DCC: variants seen among roughly 807,000 people sequenced by gnomAD.
The protein encoded by DCC is DCC netrin 1 receptor.
DCC carries 58 observed loss-of-function variants against 172.5 expected under a neutral mutation model. The observed-to-expected ratio is 0.34, with a 90% CI of 0.27 to 0.42. The LOEUF (loss-of-function observed/expected upper bound fraction) is 0.42. DCC is among the 10% of genes least tolerant of loss of function. DCC has a pLI of 1.00. For synonymous variants in DCC, 709 were observed against 644.5 expected (o/e 1.10, Z -1.52); for missense variants, 1,740 against 1,791.0 (o/e 0.97, Z 0.51).
chr18:52,938,403 A>T (rs192848208), intron 5 of DCC, among the ~76,000 whole-genome samples: 43 of 152,212 alleles, frequency 2.8e-4, no homozygotes, highest in African/African-American at 8.9e-4. Context: ...TGTACATCCT[A>T]GTTGTTTGGG....
intron 7 of DCC, among the ~76,000 whole-genome samples, chr18:53,077,583 G>T (rs1252682067): frequency 6.6e-6 from 1 of 152,144 alleles, no homozygotes; most frequent in Non-Finnish European, 1.5e-5. Flanking sequence ...AGAAGCCAGG[G>T]TATGATGAGC....
intron 2 of DCC, among the ~76,000 whole-genome samples, chr18:52,898,702 T>C (rs2039768362): frequency 8.8e-6 from 1 of 113,598 alleles, no homozygotes; most frequent in African/African-American, 3.0e-5. Flanking sequence ...TTTACCTCAT[T>C]TTTTTTTTTT....
chr18:53,309,088 A>G (rs1171748836), intron 13 of DCC, among the ~76,000 whole-genome samples: 2 of 151,946 alleles, frequency 1.3e-5, no homozygotes, highest in African/African-American at 4.8e-5. Context: ...CCCAGGCTGG[A>G]GTACCGTGGC....
chr18:53,057,518 T>G (rs778150460), intron 5 of DCC, among the ~76,000 whole-genome samples: 1 of 152,104 alleles, frequency 6.6e-6, no homozygotes, highest in Non-Finnish European at 1.5e-5. Flanking sequence ...TAGAAGTACT[T>G]GCAAAGGTCC....
intron 5 of DCC, among the ~76,000 whole-genome samples, chr18:52,966,640 A>G (rs1284258942): frequency 6.6e-6 from 1 of 152,076 alleles, no homozygotes; most frequent in Non-Finnish European, 1.5e-5. Context: ...TCCATTCTGT[A>G]TTGGTCTGTA....
intron 20 of DCC, among the ~76,000 whole-genome samples, chr18:53,411,141 C>T (rs539102631): frequency 7.0e-4 from 102 of 146,140 alleles, no homozygotes; most frequent in Non-Finnish European, 1.3e-3. Context: ...AAAAAAGTTG[C>T]AATATGATAT....
chr18:52,717,693 C>A (rs1043160799), intron 1 of DCC, among the ~76,000 whole-genome samples: 2 of 152,172 alleles, frequency 1.3e-5, no homozygotes, highest in Non-Finnish European at 2.9e-5. Context: ...AGAATACCAC[C>A]CATCTTAGGG....
intron 15 of DCC, among the ~76,000 whole-genome samples, chr18:53,385,619 C>T (rs573512573): frequency 6.6e-6 from 1 of 152,312 alleles, no homozygotes; most frequent in South Asian, 2.1e-4. Context: ...ATCTGCTGTG[C>T]TTTCCAGCAT....
intron 2 of DCC, among the ~76,000 whole-genome samples, chr18:52,796,409 G>A (rs2037878476): frequency 6.6e-6 from 1 of 151,942 alleles, no homozygotes; most frequent in South Asian, 2.1e-4. Flanking sequence ...GTCTACCAGT[G>A]AGTTTTATAC....
intron 2 of DCC, among the ~76,000 whole-genome samples, chr18:52,882,268 T>A (rs969531194): frequency 3.3e-5 from 5 of 149,462 alleles, no homozygotes; most frequent in Admixed American, 6.6e-5. Context: ...CTTTCTTTTT[T>A]AGTTCTTTAT....
intron 2 of DCC, 45 bp from the exon 3 acceptor site, chr18:52,905,999 G>A (rs2039876075): frequency 2.4e-6 from 3 of 1,263,840 alleles, no homozygotes; most frequent in Non-Finnish European, 3.5e-6. Flanking sequence ...CGATTATTGT[G>A]CTTTATTTGG....
chr18:52,651,022 A>G (rs931034857), intron 1 of DCC, among the ~76,000 whole-genome samples: 15 of 152,204 alleles, frequency 9.9e-5, no homozygotes, highest in African/African-American at 3.6e-4. Context: ...TTTTTTTATG[A>G]AAAGAAAAAG....
chr18:53,286,741 T>C (rs996522364), intron 12 of DCC, among the ~76,000 whole-genome samples: 1 of 152,202 alleles, frequency 6.6e-6, no homozygotes, highest in African/African-American at 2.4e-5. Flanking sequence ...CAGGGCATCA[T>C]AGCCATGATG....
At chr18:52,499,065 G>A (rs1005298779) in intron 1 of DCC, among the ~76,000 whole-genome samples, 1 of 152,164 alleles carries the variant, frequency 6.6e-6, no homozygotes, top group Non-Finnish European at 1.5e-5. Flanking sequence ...CATTGTCACT[G>A]TTAACTGCCT....
At chr18:53,027,719 C>CT (rs1464767964) in intron 5 of DCC, among the ~76,000 whole-genome samples, 2 of 152,148 alleles carry the variant, frequency 1.3e-5, no homozygotes, top group East Asian at 3.9e-4. Context: ...CCTTTCCTTT[C>CT]TTTTACTTTC....
At chr18:52,787,403 G>C (rs572338834) in intron 2 of DCC, among the ~76,000 whole-genome samples, 3 of 151,902 alleles carry the variant, frequency 2.0e-5, no homozygotes, top group Non-Finnish European at 4.4e-5. Context: ...TGGTGACAAA[G>C]TTTCCAGGGT....
At chr18:53,295,866 A>G (rs1036123134) in intron 12 of DCC, among the ~76,000 whole-genome samples, 2 of 152,164 alleles carry the variant, frequency 1.3e-5, no homozygotes, top group African/African-American at 4.8e-5. Context: ...TTTGCATTTG[A>G]CATTCAATAA....
At chr18:53,322,306 T>G in intron 14 of DCC, 149 bp downstream of exon 14, 1 of 676,436 alleles carries the variant, frequency 1.5e-6, no homozygotes, top group Non-Finnish European at 2.7e-6. Context: ...GAAACATTAG[T>G]GAATACATAG....
At chr18:53,374,658 C>T (rs910610185) in intron 15 of DCC, among the ~76,000 whole-genome samples, 1 of 152,092 alleles carries the variant, frequency 6.6e-6, no homozygotes, top group South Asian at 2.1e-4. Flanking sequence ...CATATGCTAA[C>T]ATACTATGAT....
Sources: gnomAD v4.1 joint callset for allele counts (sites outside exome capture counted in the v4.1 genomes callset) on GRCh38, gnomAD v4.1.1 for gene constraint, MANE v1.5 for transcripts, NCBI Gene and HGNC (gene_info 2026-07-23, HGNC 2026-07-21) for gene names.